The following DGLUCY variants were observed in gnomAD, a reference collection of about 807,000 sequenced individuals.
DGLUCY encodes the protein D-glutamate cyclase, mitochondrial.
DGLUCY carries 58 observed loss-of-function variants against 58.5 expected under a neutral mutation model. That is an observed-to-expected ratio of 0.99 (90% CI 0.80 to 1.23). The LOEUF (loss-of-function observed/expected upper bound fraction) is 1.23, where lower values mean the gene tolerates loss of function less well. Among genes scored for constraint, DGLUCY ranks in the 50% most tolerant of loss-of-function variants. The pLI, the probability that DGLUCY is intolerant of heterozygous loss-of-function variation, is 0.00. For missense variants in DGLUCY, 779 were observed against 784.7 expected (o/e 0.99, Z 0.09); for synonymous variants, 325 against 314.1 (o/e 1.03, Z -0.37).
chr14:91,170,226 A>G (rs763571107), intron 5 of DGLUCY, 25 bp downstream of exon 5: 16 of 1,606,198 alleles, frequency 1.0e-5, no homozygotes, highest in Non-Finnish European at 1.4e-5. Flanking sequence ...CACAGCCCAC[A>G]AGGGCAGAAT....
intron 8 of DGLUCY, among the ~76,000 whole-genome samples, chr14:91,182,482 G>A (rs1175416417): frequency 6.6e-6 from 1 of 151,748 alleles, no homozygotes; most frequent in Non-Finnish European, 1.5e-5. Context: ...TAGAGATGGG[G>A]GCGTGGTGTC....
At chr14:91,129,977 TTGATGCAGGTAGC>T (rs985988852) in intron 1 of DGLUCY, among the ~76,000 whole-genome samples, 7 of 152,230 alleles carry the variant, frequency 4.6e-5, no homozygotes, top group African/African-American at 1.7e-4. Context: ...TTCGTTTGTG[TTGATGCAGGTAGC>T]TGTAGTTTAT....
chr14:91,140,811 G>A (rs1334081976), intron 1 of DGLUCY, among the ~76,000 whole-genome samples: 2 of 152,184 alleles, frequency 1.3e-5, no homozygotes, highest in Non-Finnish European at 2.9e-5. Context: ...ACATTCCCAA[G>A]TAAAGTGCCC....
intron 12 of DGLUCY, among the ~76,000 whole-genome samples, chr14:91,211,478 G>A (rs1195677877): frequency 6.6e-5 from 10 of 152,184 alleles, no homozygotes; most frequent in Admixed American, 6.5e-4. Context: ...TGAAAGAACA[G>A]ATAAATAGAT....
chr14:91,066,056 C>T (rs931418525), intron 1 of DGLUCY, among the ~76,000 whole-genome samples: 2 of 152,194 alleles, frequency 1.3e-5, no homozygotes, highest in Non-Finnish European at 2.9e-5. Flanking sequence ...AAGAAAAGAC[C>T]TTGAAAATAT....
chr14:91,219,873 A>C (rs1006762169), intron 13 of DGLUCY, among the ~76,000 whole-genome samples: 1 of 152,186 alleles, frequency 6.6e-6, no homozygotes, highest in Non-Finnish European at 1.5e-5. Context: ...TTGGGGGCCA[A>C]GGTGCTGCAA....
chr14:91,073,031 T>C (rs2043950021), intron 1 of DGLUCY, among the ~76,000 whole-genome samples: 1 of 151,660 alleles, frequency 6.6e-6, no homozygotes, highest in Non-Finnish European at 1.5e-5. Flanking sequence ...ATAACAGTCA[T>C]TTTTCTTGAG....
chr14:91,205,754 C>CTTTTCTTCT lies in DGLUCY; in HGVS notation c.1564+930_1564+931insTTTCTTCTT, dbSNP rs1555406030. 1.5e-3 allele frequency among the ~76,000 whole-genome samples: 191 copies of CTTTTCTTCT among 129,830 alleles called. 3 individuals are homozygous for CTTTTCTTCT. The highest frequency in any genetic ancestry group is 5.6e-3 in the African/African-American group (185 of 32,790). The allele number at this position is 129,830 out of a possible 152,430, so 85.2% of individuals were successfully genotyped here. A position where few individuals can be genotyped will look rare whatever the true frequency, so the allele number is the denominator to read the frequency against. Reference sequence around the variant, plus strand: ...TCATTTTCAAGTAGGCCAGGGCATTCTCTTCTTCTTCTTCTTCTTCTTCTT... The same window carrying CTTTTCTTCT: ...TCATTTTCAAGTAGGCCAGGGCATTCTTTTCTTCTTCTTCTTCTTCTTCTTCTTCTTCTT... On this transcript the variant is annotated intron_variant, in intron 12 of 13. Coordinates refer to ENST00000256324, the MANE Select transcript of DGLUCY (RefSeq NM_001102368.3).
At chr14:91,073,884 G>C (rs530812657) in intron 1 of DGLUCY, among the ~76,000 whole-genome samples, 1 of 151,746 alleles carries the variant, frequency 6.6e-6, no homozygotes, top group Admixed American at 6.6e-5. Flanking sequence ...AGTTAGCAAG[G>C]CCAAGGTGGG....
At chr14:91,108,526 T>TGTGTGTGTGTGAGAGA (rs1265665234) in intron 1 of DGLUCY, among the ~76,000 whole-genome samples, 13 of 52,180 alleles carry the variant, frequency 2.5e-4, no homozygotes, top group South Asian at 1.4e-3. Context: ...TGTGTGTGTG[T>TGTGTGTGTGTGAGAGA]GAGAGAGAGA....
At chr14:91,149,241 C>CT (rs2047177796) in intron 1 of DGLUCY, among the ~76,000 whole-genome samples, 1 of 149,222 alleles carries the variant, frequency 6.7e-6, no homozygotes, top group South Asian at 2.1e-4. Flanking sequence ...GAGCGAAACT[C>CT]TATCTCAAAA....
At chr14:91,223,777 C>G (rs1334831858) in intron 13 of DGLUCY, 1 of 1,150,292 alleles carries the variant, frequency 8.7e-7, no homozygotes, top group Non-Finnish European at 1.1e-6. Flanking sequence ...TGCCAAGGAC[C>G]CTGCTAAGTG....
At chr14:91,202,821 G>A (rs997478558) in intron 11 of DGLUCY, among the ~76,000 whole-genome samples, 2 of 152,110 alleles carry the variant, frequency 1.3e-5, no homozygotes, top group Non-Finnish European at 2.9e-5. Flanking sequence ...GCTTCGAACC[G>A]CCCCCTTTGT....
intron 8 of DGLUCY, among the ~76,000 whole-genome samples, chr14:91,186,976 A>G (rs563635090): frequency 6.1e-5 from 9 of 147,362 alleles, no homozygotes; most frequent in Non-Finnish European, 1.3e-4. Flanking sequence ...TTCCTCCATA[A>G]CAGAAATCCA....
chr14:91,071,244 G>A lies in DGLUCY; in HGVS notation c.-82+10540G>A, dbSNP rs567894270. On this transcript the variant is annotated intron_variant, in intron 1 of 4. Coordinates refer to the DGLUCY transcript ENST00000521334. ...CCCAGCTACTCAAGAGGCTGAGGCA[G>A]GAGAATGGTGTGAACTCAGGAGGCA... Among the ~76,000 whole-genome samples the A allele has an allele frequency of 2.0e-5, 3 of 151,308 alleles. No homozygotes were observed. The East Asian group carries it at 5.8e-4, about 29-fold the overall frequency.
chr14:91,167,232 A>G lies in DGLUCY; in HGVS notation c.111A>G (p.Arg37=). The change falls in exon 4 of 14, where the codon CGA becomes CGG. Residue 37 remains arginine, a synonymous_variant. Coordinates refer to ENST00000256324, the MANE Select transcript of DGLUCY (RefSeq NM_001102368.3). ...RNTSSMAGEL[R]PASLVVLPRS... The stretch of plus-strand genomic sequence containing the variant: ...TTCTCCCACCATACCCAGAGCTCCG[A>G]CCAGCCAGCCTGGTGGTCCTGCCCA... The G allele has an allele frequency of 6.3e-7, 1 of 1,588,770 alleles. No individual in the cohort carries two copies. Among genetic ancestry groups the G allele is most frequent in the South Asian group, 1.2e-5 (1 of 86,898 alleles).
chr14:91,199,683 CAAG>C, intron 10 of DGLUCY, 71 bp from the exon 11 acceptor site: 2 of 1,528,676 alleles, frequency 1.3e-6, no homozygotes, highest in South Asian at 1.2e-5. Flanking sequence ...CGCGCAAACA[CAAG>C]AAGGCATGAC....
At chr14:91,119,339 G>T (rs1308625431) in intron 1 of DGLUCY, among the ~76,000 whole-genome samples, 1 of 152,038 alleles carries the variant, frequency 6.6e-6, no homozygotes, top group East Asian at 1.9e-4. Flanking sequence ...CCTCAGAGTT[G>T]TACATATCCT....
intron 3 of DGLUCY, among the ~76,000 whole-genome samples, chr14:91,162,421 C>T (rs1003926947): frequency 6.6e-6 from 1 of 152,078 alleles, no homozygotes; most frequent in Non-Finnish European, 1.5e-5. Context: ...CACATTAGAC[C>T]ATAAAGTATC....
Sources: allele counts gnomAD v4.1 joint callset (sites outside exome capture counted in the v4.1 genomes callset), GRCh38; gene constraint gnomAD v4.1.1; transcripts MANE v1.5; gene names NCBI Gene and HGNC (gene_info 2026-07-23, HGNC 2026-07-21).